ATP2B2: variants seen among roughly 807,000 people sequenced by gnomAD.
The protein encoded by ATP2B2 is plasma membrane calcium-transporting ATPase 2.
A neutral mutation model predicts 120.0 loss-of-function variants in ATP2B2; 15 were observed. The ratio of observed to expected loss-of-function variants is 0.12; its 90% CI spans 0.08 to 0.19. ATP2B2 has a LOEUF of 0.19. ATP2B2 is among the 10% of genes least tolerant of loss of function. The pLI, the probability that ATP2B2 is intolerant of heterozygous loss-of-function variation, is 1.00. For synonymous variants in ATP2B2, 694 were observed against 700.3 expected (o/e 0.99, Z 0.14); for missense variants, 1,045 against 1,719.8 (o/e 0.61, Z 6.94).
At chr3:10,550,117 C>G (rs754534587) in intron 2 of ATP2B2, among the ~76,000 whole-genome samples, 12 of 152,256 alleles carry the variant, frequency 7.9e-5, no homozygotes, top group Non-Finnish European at 1.5e-4. Context: ...CCAAGGGAGT[C>G]TCTTGTGGCT....
chr3:10,374,264 G>A (rs930632828), intron 11 of ATP2B2, among the ~76,000 whole-genome samples: 1 of 152,154 alleles, frequency 6.6e-6, no homozygotes, highest in Non-Finnish European at 1.5e-5. Flanking sequence ...TGCTGGCCCT[G>A]GGTCCCAAAG....
At chr3:10,374,446 A>G (rs1329127360) in intron 11 of ATP2B2, among the ~76,000 whole-genome samples, 1 of 152,172 alleles carries the variant, frequency 6.6e-6, no homozygotes, top group East Asian at 1.9e-4. Flanking sequence ...GCCCAGCCCA[A>G]ATTCCAGCTT....
intron 21 of ATP2B2, among the ~76,000 whole-genome samples, chr3:10,339,940 G>A (rs1041117313): frequency 2.0e-5 from 3 of 152,190 alleles, no homozygotes; most frequent in African/African-American, 7.2e-5. Context: ...TTTTTCAGTT[G>A]TCTTAGTAAC....
intron 1 of ATP2B2, among the ~76,000 whole-genome samples, chr3:10,478,030 C>T (rs114276486): frequency 0.01 from 1,546 of 152,328 alleles, 14 homozygotes; most frequent in Admixed American, 0.014. Context: ...AATTTCCCCA[C>T]GTTCTGGCCA....
chr3:10,471,556 T>C (rs2065004963), intron 1 of ATP2B2, among the ~76,000 whole-genome samples: 2 of 150,056 alleles, frequency 1.3e-5, no homozygotes, highest in Non-Finnish European at 3.0e-5. Flanking sequence ...CTTGAGAGGC[T>C]AGGAGTGGGA....
rs957705442 is a variant in ATP2B2, at chr3:10,495,893, G to A, written c.-320+9572C>T. ...GCCCCCAGGCAGGGCACCCGCAGTC[G>A]TATACCACCTTCTACCTGGGGCTGC... is the stretch of plus-strand genomic sequence containing the variant. On this transcript the variant is annotated intron_variant, in intron 1 of 22. Coordinates refer to ENST00000360273, the MANE Select transcript of ATP2B2 (RefSeq NM_001001331.4). Among the ~76,000 whole-genome samples the A allele has an allele frequency of 5.3e-5, 8 of 152,332 alleles. No homozygotes were observed. In the East Asian group the frequency reaches 5.8e-4, roughly 11 times the overall value.
intron 5 of ATP2B2, 36 bp downstream of exon 5, chr3:10,400,917 C>A: frequency 6.2e-7 from 1 of 1,612,990 alleles, no homozygotes; most frequent in Non-Finnish European, 8.5e-7. Context: ...CTGTGCATGG[C>A]GACGGGAATG....
At chr3:10,337,767 G>T (rs566358445) in intron 22 of ATP2B2, among the ~76,000 whole-genome samples, 6 of 152,180 alleles carry the variant, frequency 3.9e-5, no homozygotes, top group Admixed American at 1.3e-4. Flanking sequence ...CACGCCCTGG[G>T]GGACCCTGGG....
chr3:10,412,478 G>A (rs960233566), intron 2 of ATP2B2, among the ~76,000 whole-genome samples: 1 of 152,080 alleles, frequency 6.6e-6, no homozygotes. Flanking sequence ...ATTTTTCCAT[G>A]ACAAGTGTCC....
chr3:10,514,507 C>T (rs2066837749), intron 3 of ATP2B2, among the ~76,000 whole-genome samples: 1 of 152,170 alleles, frequency 6.6e-6, no homozygotes, highest in Non-Finnish European at 1.5e-5. Context: ...GGACTTGCGG[C>T]GCATCAGGGC....
At position 10,328,842 on chromosome 3, in the gene ATP2B2, G is replaced by A; in HGVS notation, c.3704C>T (p.Pro1235Leu). The change falls in exon 23 of 23, where the codon CCC becomes CTC. Residue 1235 changes from proline to leucine, a missense_variant. Transcript: ENST00000360273. ...AAGCGACGTCTCCAGGCTGTGGATG[G>A]GGCTCCCTGGACTTGAAGAGGTAGC... ...KSATSSSPGSPIHSLETSL is the reference protein window; with the variant it reads ...KSATSSSPGSLIHSLETSL 6.2e-7 allele frequency: 1 copy of A among 1,612,428 alleles called. No homozygotes were observed. The highest frequency in any genetic ancestry group is 8.5e-7 in the Non-Finnish European group (1 of 1,178,652).
intron 2 of ATP2B2, among the ~76,000 whole-genome samples, chr3:10,436,553 G>C (rs932311826): frequency 6.6e-6 from 1 of 152,234 alleles, no homozygotes; most frequent in Non-Finnish European, 1.5e-5. Context: ...AGAAGCTTTT[G>C]TAGTGGATTT....
chr3:10,471,983 A>G (rs1178898499), intron 1 of ATP2B2, among the ~76,000 whole-genome samples: 4 of 148,932 alleles, frequency 2.7e-5, no homozygotes, highest in Admixed American at 2.0e-4. Flanking sequence ...CGGGAGGCTG[A>G]GGCAGGAGAA....
chr3:10,647,802 G>A (rs2070359268), intron 1 of ATP2B2, among the ~76,000 whole-genome samples: 1 of 152,212 alleles, frequency 6.6e-6, no homozygotes, highest in Admixed American at 6.5e-5. Context: ...GAATAAAAGA[G>A]CAGGCAGGTG....
intron 2 of ATP2B2, among the ~76,000 whole-genome samples, chr3:10,540,820 T>A (rs2067422320): frequency 6.6e-6 from 1 of 151,490 alleles, no homozygotes; most frequent in East Asian, 1.9e-4. Context: ...TATACATATG[T>A]AACAAACCTT....
chr3:10,673,170 C>T (rs1193332095), intron 1 of ATP2B2, among the ~76,000 whole-genome samples: 2 of 152,164 alleles, frequency 1.3e-5, no homozygotes, highest in African/African-American at 4.8e-5. Context: ...GTTCCGTCAC[C>T]ATTGCTTTTG....
chr3:10,408,631 TAC>T (rs978857255), intron 3 of ATP2B2, among the ~76,000 whole-genome samples: 27 of 152,328 alleles, frequency 1.8e-4, no homozygotes, highest in Admixed American at 6.5e-4. Context: ...AATCCTGCCC[TAC>T]AGTCTAACGT....
chr3:10,572,110 G>A (rs1196626882), intron 2 of ATP2B2, among the ~76,000 whole-genome samples: 1 of 152,168 alleles, frequency 6.6e-6, no homozygotes, highest in African/African-American at 2.4e-5. Context: ...CATAAGAAGA[G>A]CATCCCTATT....
chr3:10,369,163 C>T lies in ATP2B2; in HGVS notation c.1659+2646G>A, dbSNP rs149529043. On this transcript the variant is annotated intron_variant, in intron 12 of 22. Coordinates refer to ENST00000360273, the MANE Select transcript of ATP2B2 (RefSeq NM_001001331.4). ...AGCTGGTGGACATTGCATGCCCTTC[C>T]TGCCCTGTCTCCTCTTGTATGGGTT... is the stretch of plus-strand genomic sequence containing the variant. Among the ~76,000 whole-genome samples, 30 of 152,330 alleles carry T rather than the reference C, an allele frequency of 2.0e-4. No homozygotes were observed. The East Asian group carries it at 5.8e-3, about 29-fold the overall frequency.
Sources: allele counts gnomAD v4.1 joint callset (sites outside exome capture counted in the v4.1 genomes callset), GRCh38; gene constraint gnomAD v4.1.1; transcripts MANE v1.5; gene names NCBI Gene and HGNC (gene_info 2026-07-23, HGNC 2026-07-21).